PTPRN2: variants seen among roughly 807,000 people sequenced by gnomAD.
PTPRN2 encodes receptor-type tyrosine-protein phosphatase N2.
A neutral mutation model predicts 118.8 loss-of-function variants in PTPRN2; 74 were observed. The ratio of observed to expected loss-of-function variants is 0.62; its 90% CI spans 0.52 to 0.76. PTPRN2 has a LOEUF of 0.76. Among genes scored for constraint, PTPRN2 ranks in the 30% least tolerant of loss-of-function variants. The pLI, the probability that PTPRN2 is intolerant of heterozygous loss-of-function variation, is 0.00. For missense variants in PTPRN2, 1,481 were observed against 1,394.4 expected, an observed-to-expected ratio of 1.06 and a Z score of -0.99; for synonymous variants, 641 against 608.0, an observed-to-expected ratio of 1.05 and a Z score of -0.80.
rs182884745 is a variant in PTPRN2 at position 157,760,163 on chromosome 7, T to A, written c.1789-77226A>T. Among the ~76,000 whole-genome samples the A allele has an allele frequency of 3.9e-5, 6 of 152,230 alleles. No individual in the cohort carries two copies. In the East Asian group the frequency reaches 1.2e-3, roughly 30 times the overall value. Reference sequence around the variant, plus strand: ...GCCCCCACATCACCCACTGAATCTCTCTAACAAACATCCCCCACGTGGTGA... The same window carrying A: ...GCCCCCACATCACCCACTGAATCTCACTAACAAACATCCCCCACGTGGTGA... On this transcript the variant is annotated intron_variant, in intron 12 of 22. Coordinates refer to ENST00000389418, the MANE Select transcript of PTPRN2 (RefSeq NM_002847.5).
intron 11 of PTPRN2, among the ~76,000 whole-genome samples, chr7:158,035,577 G>T (rs1808038144): frequency 6.6e-6 from 1 of 152,194 alleles, no homozygotes; most frequent in Non-Finnish European, 1.5e-5. Flanking sequence ...GTGCATACCT[G>T]CCCTGCACAA....
chr7:158,529,369 C>T lies in PTPRN2; in HGVS notation c.113-39584G>A, dbSNP rs759702251. Among the ~76,000 whole-genome samples, 6 of 152,196 alleles carry T rather than the reference C, an allele frequency of 3.9e-5. No individual in the cohort carries two copies. In the South Asian group the frequency reaches 6.2e-4, roughly 16 times the overall value. ...GCCCCAGAGCAAGCATTGGCTGTGTCGGCAGAGGAAGGTGGGAAGGCCCAG... is the reference window on the plus strand; with the variant it reads ...GCCCCAGAGCAAGCATTGGCTGTGTTGGCAGAGGAAGGTGGGAAGGCCCAG... On this transcript the variant is annotated intron_variant, in intron 1 of 22. Coordinates refer to ENST00000389418, the MANE Select transcript of PTPRN2 (RefSeq NM_002847.5). The surrounding 1 kb of genome is among the most constrained non-coding windows in gnomAD (Gnocchi z 4.7).
At chr7:158,495,215 C>T (rs1586799645) in intron 1 of PTPRN2, among the ~76,000 whole-genome samples, 1 of 152,182 alleles carries the variant, frequency 6.6e-6, no homozygotes, top group Non-Finnish European at 1.5e-5. Context: ...CTGCAGAAAA[C>T]GCTAGGGCTT....
chr7:157,882,451 C>T (rs138394646), intron 12 of PTPRN2, among the ~76,000 whole-genome samples: 32 of 149,902 alleles, frequency 2.1e-4, no homozygotes, highest in South Asian at 4.3e-4. Context: ...AAATGACTGT[C>T]GGAGAACAGA....
At chr7:157,828,378 G>A (rs570313249) in intron 12 of PTPRN2, among the ~76,000 whole-genome samples, 4 of 152,314 alleles carry the variant, frequency 2.6e-5, no homozygotes, top group South Asian at 2.1e-4. Flanking sequence ...ACGGAACAGC[G>A]ATCGGATACA....
intron 10 of PTPRN2, among the ~76,000 whole-genome samples, chr7:158,097,092 CT>C (rs969879012): frequency 1.4e-4 from 22 of 152,188 alleles, no homozygotes; most frequent in Middle Eastern, 3.2e-3. Flanking sequence ...CCTACAACAT[CT>C]TTGTAAATCC....
intron 11 of PTPRN2, among the ~76,000 whole-genome samples, chr7:158,032,775 G>A (rs1272813700): frequency 1.3e-5 from 2 of 152,204 alleles, no homozygotes; most frequent in African/African-American, 4.8e-5. Flanking sequence ...AATGACATGA[G>A]CAGAGTAAAC....
intron 3 of PTPRN2, among the ~76,000 whole-genome samples, chr7:158,267,813 G>A (rs1234552234): frequency 6.6e-6 from 1 of 152,174 alleles, no homozygotes; most frequent in African/African-American, 2.4e-5. Context: ...TGTTCTTCCT[G>A]ACTCTACAGC....
chr7:158,244,353 G>A (rs1796065598), intron 3 of PTPRN2, among the ~76,000 whole-genome samples: 3 of 152,208 alleles, frequency 2.0e-5, no homozygotes, highest in East Asian at 1.9e-4. Flanking sequence ...GAAAAAGGCT[G>A]AACAAGCCTC....
At chr7:158,374,681 G>A (rs1248954939) in intron 2 of PTPRN2, among the ~76,000 whole-genome samples, 1 of 152,188 alleles carries the variant, frequency 6.6e-6, no homozygotes, top group Non-Finnish European at 1.5e-5. Context: ...GTGGACAGAT[G>A]GAGGCTGGAG....
At chr7:158,138,997 GCCCAGCAT>G in intron 6 of PTPRN2, among the ~76,000 whole-genome samples, 1 of 148,274 alleles carries the variant, frequency 6.7e-6, no homozygotes, top group African/African-American at 2.6e-5. Context: ...AGCACACCCT[GCCCAGCAT>G]GGACCAACTC....
chr7:157,937,930 C>T (rs1229684334), intron 11 of PTPRN2, among the ~76,000 whole-genome samples: 1 of 123,204 alleles, frequency 8.1e-6, no homozygotes, highest in Non-Finnish European at 1.6e-5. Flanking sequence ...ACATGTTCCC[C>T]ATCTCTCTCT....
intron 19 of PTPRN2, among the ~76,000 whole-genome samples, chr7:157,572,774 G>A (rs1045448571): frequency 6.6e-6 from 1 of 152,240 alleles, no homozygotes; most frequent in Non-Finnish European, 1.5e-5. Flanking sequence ...TAGCCAGGAC[G>A]CACTTGATCT....
At position 158,241,173 on chromosome 7, in the gene PTPRN2, G is replaced by A. The variant is rs150310484; in HGVS notation, c.278-35900C>T. 6.7e-3 allele frequency among the ~76,000 whole-genome samples: 1,016 copies of A among 152,278 alleles called. 8 individuals are homozygous for A. The highest frequency in any genetic ancestry group is 0.023 in the African/African-American group (960 of 41,566). ...GGTGACTCTTCCCTTTCTCCAGTTC[G>A]GCTATAGTTTCCTTTCATAACATAT... is the stretch of plus-strand genomic sequence containing the variant. On this transcript the variant is annotated intron_variant, in intron 3 of 22. Coordinates refer to ENST00000389418, the MANE Select transcript of PTPRN2 (RefSeq NM_002847.5).
chr7:158,236,789 G>GCCA, intron 3 of PTPRN2, among the ~76,000 whole-genome samples: 1 of 61,538 alleles, frequency 1.6e-5, no homozygotes, highest in Non-Finnish European at 3.0e-5. Context: ...CGACCACTCT[G>GCCA]CTGTGGGGAA....
chr7:158,517,007 G>A lies in PTPRN2; in HGVS notation c.113-27222C>T, dbSNP rs1330678687. ...ACCGTAGCCCAGCAGAACCACTCGT[G>A]AGTCCTGTGATTCCTTCCAAACCAC... On this transcript the variant is annotated intron_variant, in intron 1 of 22. Transcript: ENST00000389418. The surrounding 1 kb of genome is among the most constrained non-coding windows in gnomAD (Gnocchi z 5.3). Among the ~76,000 whole-genome samples, 1 of 152,180 alleles carries A rather than the reference G, an allele frequency of 6.6e-6. No homozygotes were observed. Among genetic ancestry groups the A allele is most frequent in the Non-Finnish European group, 1.5e-5 (1 of 68,040 alleles).
At chr7:157,770,765 A>G (rs555517646) in intron 12 of PTPRN2, among the ~76,000 whole-genome samples, 12 of 152,294 alleles carry the variant, frequency 7.9e-5, no homozygotes, top group African/African-American at 2.6e-4. Context: ...AGGCGCCTGC[A>G]TTCAGATTCA....
chr7:158,461,567 G>T (rs1163711133), intron 2 of PTPRN2, among the ~76,000 whole-genome samples: 1 of 151,940 alleles, frequency 6.6e-6, no homozygotes, highest in Non-Finnish European at 1.5e-5. Context: ...TATCATTCTA[G>T]GTGCATTTTC....
intron 12 of PTPRN2, among the ~76,000 whole-genome samples, chr7:157,800,947 G>A (rs111361706): frequency 0.021 from 3,130 of 150,102 alleles, 92 homozygotes; most frequent in African/African-American, 0.063. Flanking sequence ...GAGAGACTCC[G>A]TTTCAAAAAA....
Sources: gnomAD v4.1 joint callset for allele counts (sites outside exome capture counted in the v4.1 genomes callset) on GRCh38, gnomAD v4.1.1 for gene constraint, Gnocchi (gnomAD v3.1) non-coding constraint, MANE v1.5 for transcripts, NCBI Gene and HGNC (gene_info 2026-07-23, HGNC 2026-07-21) for gene names.